Variants in CAPZB observed in about 807,000 individuals in gnomAD.
CAPZB encodes the protein capping actin protein of muscle Z-line subunit beta, also known as F-actin-capping protein subunit beta.
In CAPZB, 2 loss-of-function variants were observed where a neutral mutation model predicts 38.1. The observed-to-expected ratio is 0.05, with a 90% CI of 0.02 to 0.17. The LOEUF (loss-of-function observed/expected upper bound fraction) is 0.17. Among genes scored for constraint, CAPZB ranks in the 10% least tolerant of loss-of-function variants. The pLI, the probability that CAPZB is intolerant of heterozygous loss-of-function variation, is 1.00. For missense variants in CAPZB, 161 were observed against 334.2 expected, an observed-to-expected ratio of 0.48 and a Z score of 4.04; for synonymous variants, 107 against 127.4, an observed-to-expected ratio of 0.84 and a Z score of 1.08.
chr1:19,451,890 T>C (rs1045417773), intron 1 of CAPZB, among the ~76,000 whole-genome samples: 2 of 152,186 alleles, frequency 1.3e-5, no homozygotes, highest in African/African-American at 4.8e-5. Flanking sequence ...ATTTATTATG[T>C]GCCAATAATA....
intron 2 of CAPZB, among the ~76,000 whole-genome samples, chr1:19,406,264 CA>C (rs1468743687): frequency 6.6e-6 from 1 of 152,224 alleles, no homozygotes; most frequent in Non-Finnish European, 1.5e-5. Flanking sequence ...GTAAGCAATG[CA>C]AAGCCTCTGG....
At chr1:19,414,388 G>A (rs918956354) in intron 2 of CAPZB, among the ~76,000 whole-genome samples, 5 of 152,196 alleles carry the variant, frequency 3.3e-5, no homozygotes, top group East Asian at 1.9e-4. Flanking sequence ...TCAACTCCCC[G>A]GTAAAAAATC....
At chr1:19,389,964 A>C (rs2094223890) in intron 2 of CAPZB, among the ~76,000 whole-genome samples, 1 of 152,176 alleles carries the variant, frequency 6.6e-6, no homozygotes. Context: ...TTTCATTGTG[A>C]ATTGACTCCA....
intron 1 of CAPZB, among the ~76,000 whole-genome samples, chr1:19,435,365 T>A (rs1414591364): frequency 6.6e-6 from 1 of 152,060 alleles, no homozygotes; most frequent in Admixed American, 6.5e-5. Flanking sequence ...CAAAAAGAAT[T>A]AAAGAAAGGG....
chr1:19,404,407 G>A (rs920809051), intron 2 of CAPZB, among the ~76,000 whole-genome samples: 15 of 151,970 alleles, frequency 9.9e-5, no homozygotes, highest in Admixed American at 1.3e-4. Flanking sequence ...AGCCAGGCAC[G>A]GTGGTACAGG....
At chr1:19,351,430 C>A (rs1284396283) in intron 6 of CAPZB, among the ~76,000 whole-genome samples, 2 of 152,246 alleles carry the variant, frequency 1.3e-5, no homozygotes, top group Non-Finnish European at 2.9e-5. Flanking sequence ...ATCTCAGACT[C>A]CCAAGAAGCT....
intron 1 of CAPZB, among the ~76,000 whole-genome samples, chr1:19,478,076 G>A (rs1359576267): frequency 1.3e-5 from 2 of 152,328 alleles, no homozygotes; most frequent in Middle Eastern, 3.4e-3. Flanking sequence ...GGAGAAGTGC[G>A]GGGTCTGAGC....
At chr1:19,464,156 C>T (rs966689462) in intron 1 of CAPZB, among the ~76,000 whole-genome samples, 4 of 151,184 alleles carry the variant, frequency 2.6e-5, no homozygotes, top group African/African-American at 9.7e-5. Context: ...CACTGCACTC[C>T]AGCCTGGGCA....
intron 1 of CAPZB, among the ~76,000 whole-genome samples, chr1:19,436,591 T>A (rs72653931): frequency 6.6e-6 from 1 of 152,086 alleles, no homozygotes; most frequent in East Asian, 1.9e-4. Flanking sequence ...CTGTCACACC[T>A]CAATGCAAAG....
chr1:19,383,547 G>C (rs2094187540), intron 3 of CAPZB, among the ~76,000 whole-genome samples: 5 of 152,068 alleles, frequency 3.3e-5, no homozygotes, highest in Admixed American at 3.3e-4. Flanking sequence ...CTGGGCGACA[G>C]AGCAAGATGC....
At chr1:19,476,167 A>T (rs114230237) in intron 1 of CAPZB, among the ~76,000 whole-genome samples, 9,668 of 142,506 alleles carry the variant, frequency 0.068, 1,024 homozygotes, top group African/African-American at 0.24. Flanking sequence ...CTAAAAAATA[A>T]GTAGATAGAT....
At chr1:19,340,129 A>G (rs1325426296) in intron 8 of CAPZB, among the ~76,000 whole-genome samples, 1 of 152,260 alleles carries the variant, frequency 6.6e-6, no homozygotes, top group African/African-American at 2.4e-5. Context: ...CCTGCCCAGC[A>G]GAAGAGCCTC....
At chr1:19,422,897 C>T (rs2094407128) in intron 1 of CAPZB, among the ~76,000 whole-genome samples, 2 of 152,144 alleles carry the variant, frequency 1.3e-5, no homozygotes, top group Admixed American at 6.5e-5. Context: ...CCAGACAGAA[C>T]ACAGAAGGGA....
At chr1:19,411,715 C>T (rs72959358) in intron 2 of CAPZB, among the ~76,000 whole-genome samples, 7,951 of 152,284 alleles carry the variant, frequency 0.052, 687 homozygotes, top group African/African-American at 0.18. Context: ...TAACAGAACT[C>T]ATCAGAATCT....
chr1:19,455,934 G>A (rs1434391116), intron 1 of CAPZB, among the ~76,000 whole-genome samples: 3 of 152,196 alleles, frequency 2.0e-5, no homozygotes, highest in African/African-American at 7.2e-5. Context: ...TTGTTTTTCA[G>A]ACCAAGTCTC....
chr1:19,359,898 G>C (rs1272691410), intron 4 of CAPZB, among the ~76,000 whole-genome samples: 3 of 152,160 alleles, frequency 2.0e-5, no homozygotes, highest in Non-Finnish European at 4.4e-5. Context: ...CTTTATTCCG[G>C]TCTGCTCCAA....
intron 6 of CAPZB, among the ~76,000 whole-genome samples, chr1:19,351,765 G>A (rs1332983319): frequency 6.6e-6 from 1 of 152,086 alleles, no homozygotes; most frequent in Non-Finnish European, 1.5e-5. Flanking sequence ...TCCTTTACCA[G>A]AAAACTGAAG....
chr1:19,382,194 A>G (rs2094179141), intron 3 of CAPZB, among the ~76,000 whole-genome samples: 1 of 152,202 alleles, frequency 6.6e-6, no homozygotes, highest in Non-Finnish European at 1.5e-5. Flanking sequence ...TGTAACTCAC[A>G]TTTCTACTGG....
chr1:19,339,581 T>G lies in CAPZB; in HGVS notation c.768A>C (p.Glu256Asp), dbSNP rs2093916662. 1.9e-6 allele frequency: 3 copies of G among 1,614,058 alleles called. No homozygotes were observed. Among genetic ancestry groups the G allele is most frequent in the Non-Finnish European group, 2.5e-6 (3 of 1,179,978 alleles). ...VQTFADKSKQ[E>D]ALKNDLVEAL... ...CCTCCACCAGGTCATTCTTCAGAGC[T>G]TCTTGTTTTGATTTGTCTGCAAAAG... The change falls in exon 9 of 9, where the codon GAA (glutamate) becomes GAC (aspartate). Residue 256 changes from glutamate (E) to aspartate (D), a missense_variant. By Grantham distance (45) the Glu-to-Asp change is conservative. Coordinates refer to ENST00000264202, the MANE Select transcript of CAPZB (RefSeq NM_004930.5).
Sources: gnomAD v4.1 joint callset for allele counts (sites outside exome capture counted in the v4.1 genomes callset) on GRCh38, gnomAD v4.1.1 for gene constraint, MANE v1.5 for transcripts, NCBI Gene and HGNC (gene_info 2026-07-23, HGNC 2026-07-21) for gene names.